The following ACAD11 variants were observed in gnomAD, a reference collection of about 807,000 sequenced individuals.
ACAD11 encodes the protein acyl-Coenzyme A dehydrogenase family, member 11.
Under a neutral mutation model 102.2 loss-of-function variants are expected in ACAD11, and 83 were observed. The ratio of observed to expected loss-of-function variants is 0.81; its 90% CI spans 0.68 to 0.97. The LOEUF is 0.97. ACAD11 is among the 50% of genes least tolerant of loss of function. The pLI is 0.00. For missense variants in ACAD11, 901 were observed against 951.7 expected (o/e 0.95, Z 0.70); for synonymous variants, 324 against 319.8 (o/e 1.01, Z -0.14).
At chr3:132,568,910 A>AT (rs1937298558) in intron 17 of ACAD11, among the ~76,000 whole-genome samples, 1 of 152,006 alleles carries the variant, frequency 6.6e-6, no homozygotes, top group Non-Finnish European at 1.5e-5. Context: ...TTAGTGACAC[A>AT]TTATGGGAGA....
intron 13 of ACAD11, among the ~76,000 whole-genome samples, chr3:132,590,336 A>T (rs1039262363): frequency 6.6e-6 from 1 of 152,128 alleles, no homozygotes; most frequent in Admixed American, 6.5e-5. Flanking sequence ...AGCTCACTGC[A>T]ATCTCCCTGC....
At chr3:132,586,167 A>G (rs530043206) in intron 13 of ACAD11, among the ~76,000 whole-genome samples, 15 of 152,368 alleles carry the variant, frequency 9.8e-5, no homozygotes, top group African/African-American at 3.4e-4. Flanking sequence ...AGCCATAAAA[A>G]ATGATGAGTT....
chr3:132,637,929 A>G (rs1375764763), intron 5 of ACAD11, among the ~76,000 whole-genome samples: 1 of 152,188 alleles, frequency 6.6e-6, no homozygotes, highest in African/African-American at 2.4e-5. Context: ...AAACCAAAAA[A>G]CATCAAACCC....
chr3:132,579,672 AC>A (rs1279800348), intron 13 of ACAD11, 114 bp from the exon 14 acceptor site: 2 of 747,120 alleles, frequency 2.7e-6, no homozygotes, highest in African/African-American at 3.5e-5. Flanking sequence ...AATAGAGAGA[AC>A]ATTCCTGATT....
At position 132,585,309 on chromosome 3, in the gene ACAD11, T is replaced by G. The variant is rs531816980; in HGVS notation, c.1622-5751A>C. ...TAGCCATATGTAGAAAGCTGAAACT[T>G]GATCCCTTCCTTACACCTTATACAA... On this transcript the variant is annotated intron_variant, in intron 13 of 19. Transcript: ENST00000264990. Among the ~76,000 whole-genome samples the G allele has an allele frequency of 4.7e-4, 71 of 152,240 alleles. 1 individual carries two copies. In the South Asian group the frequency reaches 5.0e-3, roughly 11 times the overall value.
chr3:132,597,203 G>A (rs1487505925), intron 13 of ACAD11: 1 of 152,102 alleles, frequency 6.6e-6, no homozygotes, highest in African/African-American at 2.4e-5. Context: ...TAAATTTCAG[G>A]AAAGCCTTCT....
At chr3:132,641,892 T>C in intron 4 of ACAD11, 80 bp downstream of exon 4, 1 of 1,316,544 alleles carries the variant, frequency 7.6e-7, no homozygotes, top group East Asian at 2.3e-5. Context: ...AACTATACAA[T>C]AATAGCTTTT....
chr3:132,612,419 A>G (rs1244591016), intron 11 of ACAD11, among the ~76,000 whole-genome samples: 1 of 152,074 alleles, frequency 6.6e-6, no homozygotes, highest in Non-Finnish European at 1.5e-5. Flanking sequence ...AAAAGAAACT[A>G]CCATCAGAGT....
chr3:132,600,637 C>T, intron 13 of ACAD11: 1 of 1,613,636 alleles, frequency 6.2e-7, no homozygotes, highest in Middle Eastern at 1.7e-4. Context: ...ATGTGTACAT[C>T]CTGAATTTGG....
At chr3:132,593,211 C>CA (rs1186564130) in intron 13 of ACAD11, among the ~76,000 whole-genome samples, 5 of 147,620 alleles carry the variant, frequency 3.4e-5, no homozygotes, top group Non-Finnish European at 4.5e-5. Flanking sequence ...AATTTAAAAG[C>CA]AAAAAAAAAT....
chr3:132,630,515 G>A lies in ACAD11; in HGVS notation c.885C>T (p.Cys295=), dbSNP rs1241496629. The change falls in exon 7 of 20, where the codon TGC becomes TGT. Residue 295 remains cysteine, a synonymous_variant. Transcript: ENST00000264990. ...TAGGAAGAATAGAATTAATTCCCCT[G>A]CAGCGGCAATATATTGAAATCAGTT... ...MEELISIYCR[C]RGINSILPNW... is the part of the protein sequence containing the mutation. 6.2e-7 allele frequency: 1 copy of A among 1,612,546 alleles called. No homozygotes were observed.
chr3:132,644,046 C>T (rs1170826621), intron 2 of ACAD11, among the ~76,000 whole-genome samples: 2 of 152,052 alleles, frequency 1.3e-5, no homozygotes, highest in South Asian at 2.1e-4. Context: ...CAACTTACTT[C>T]ATGTTTCTGG....
chr3:132,630,578 T>A lies in ACAD11; in HGVS notation c.842-20A>T. ...GTATCCCTATAAAAACAGCATGTAA[T>A]ATAAACTTTAATTAAAATGTCGTGG... On this transcript the variant is annotated intron_variant, in intron 6 of 19. Coordinates refer to ENST00000264990, the MANE Select transcript of ACAD11 (RefSeq NM_032169.5). 4 of 1,584,888 alleles carry A rather than the reference T, an allele frequency of 2.5e-6. No individual in the cohort carries two copies. Among genetic ancestry groups the A allele is most frequent in the Non-Finnish European group, 3.4e-6 (4 of 1,166,460 alleles).
rs769591290 is a variant in ACAD11, at chr3:132,586,917, AC to A, written c.1622-7360del. 1.9e-4 allele frequency among the ~76,000 whole-genome samples: 29 copies of A among 152,256 alleles called. No homozygotes were observed. In the East Asian group the frequency reaches 5.2e-3, roughly 27 times the overall value. Reference sequence around the variant, plus strand: ...AGACCAGCCTGGCCAACATGGCGAAACCCCGTCTCTACTAAAAATACAAAAA... The same window carrying A: ...AGACCAGCCTGGCCAACATGGCGAAACCCGTCTCTACTAAAAATACAAAAA... On this transcript the variant is annotated intron_variant, in intron 13 of 19. Coordinates refer to ENST00000264990, the MANE Select transcript of ACAD11 (RefSeq NM_032169.5).
intron 13 of ACAD11, among the ~76,000 whole-genome samples, chr3:132,589,439 G>A (rs1159318340): frequency 1.3e-5 from 2 of 152,130 alleles, no homozygotes; most frequent in Non-Finnish European, 2.9e-5. Context: ...TTGATTCTTA[G>A]TTAGAAATTA....
intron 7 of ACAD11, 21 bp from the exon 8 acceptor site, chr3:132,628,467 A>G (rs61650247): frequency 0.12 from 173,098 of 1,493,252 alleles, 14,884 homozygotes; most frequent in East Asian, 0.56. Context: ...ACATAGAACA[A>G]TTAAAATTCA....
intron 13 of ACAD11, among the ~76,000 whole-genome samples, chr3:132,585,581 C>T (rs996470743): frequency 6.6e-6 from 1 of 151,830 alleles, no homozygotes; most frequent in African/African-American, 2.4e-5. Flanking sequence ...AAATTTTTGC[C>T]ATCTACTCAT....
At chr3:132,635,396 T>G (rs1020298544) in intron 5 of ACAD11, among the ~76,000 whole-genome samples, 3 of 152,226 alleles carry the variant, frequency 2.0e-5, no homozygotes, top group Admixed American at 2.0e-4. Flanking sequence ...TTGGGTAATA[T>G]GAGTTACTGG....
At chr3:132,609,744 T>C (rs945956956) in intron 11 of ACAD11, among the ~76,000 whole-genome samples, 2 of 151,696 alleles carry the variant, frequency 1.3e-5, no homozygotes, top group Middle Eastern at 3.2e-3. Flanking sequence ...CTATTCCAAA[T>C]AGAAAAAGAG....
Sources: allele counts gnomAD v4.1 joint callset (sites outside exome capture counted in the v4.1 genomes callset), GRCh38; gene constraint gnomAD v4.1.1; transcripts MANE v1.5; gene names NCBI Gene and HGNC (gene_info 2026-07-23, HGNC 2026-07-21).